The following ESYT2 variants were observed in gnomAD, a reference collection of about 807,000 sequenced individuals.
The protein encoded by ESYT2 is extended synaptotagmin-2.
A neutral mutation model predicts 107.2 loss-of-function variants in ESYT2; 54 were observed. That is an observed-to-expected ratio of 0.50 (90% CI 0.40 to 0.63). ESYT2 has a LOEUF of 0.63. Among genes scored for constraint, ESYT2 ranks in the 30% least tolerant of loss-of-function variants. The pLI is 0.00. For missense variants in ESYT2, 1,020 were observed against 1,094.5 expected (o/e 0.93, Z 0.96); for synonymous variants, 491 against 434.1 (o/e 1.13, Z -1.63).
Position 158,760,122 on chromosome 7 carries a change from T to C in ESYT2, c.1259A>G (p.Lys420Arg), listed in dbSNP as rs769624901. 3 of 1,614,214 alleles carry C rather than the reference T, an allele frequency of 1.9e-6. No individual in the cohort carries two copies. Among genetic ancestry groups the C allele is most frequent in the Non-Finnish European group, 1.7e-6 (2 of 1,180,018 alleles). ...CTCCAGTCTCAAGTGTAGCTTCCCC[T>C]TGGGAACCTCGTCCAGAGTGAACCA... ...DEWFTLDEVP[K>R]GKLHLRLEWL... is the part of the protein sequence containing the mutation. The change falls in exon 12 of 23, where the codon AAG becomes AGG. Residue 420 changes from lysine to arginine, a missense_variant. Transcript: ENST00000275418.
intron 1 of ESYT2, among the ~76,000 whole-genome samples, chr7:158,813,203 A>G (rs1392137902): frequency 1.3e-5 from 2 of 152,270 alleles, no homozygotes; most frequent in Middle Eastern, 3.2e-3. Flanking sequence ...TAATTCCAAT[A>G]TATGACATTC....
At chr7:158,773,818 T>C (rs761028085) in intron 6 of ESYT2, among the ~76,000 whole-genome samples, 1 of 152,204 alleles carries the variant, frequency 6.6e-6, no homozygotes, top group Non-Finnish European at 1.5e-5. Context: ...AGATGGTACC[T>C]ACCTGCCCTC....
At chr7:158,741,989 T>C (rs1297178991) in intron 17 of ESYT2, 93 bp from the exon 18 acceptor site, 1 of 1,431,788 alleles carries the variant, frequency 7.0e-7, no homozygotes, top group Non-Finnish European at 9.3e-7. Flanking sequence ...CTGCAAAAAT[T>C]TCTTTAAAAC....
chr7:158,764,358 A>C (rs1053454411), intron 9 of ESYT2, among the ~76,000 whole-genome samples: 2 of 152,222 alleles, frequency 1.3e-5, no homozygotes, highest in South Asian at 4.1e-4. Flanking sequence ...TTTTGTGTTT[A>C]CTGCATTAAT....
intron 3 of ESYT2, among the ~76,000 whole-genome samples, chr7:158,796,285 C>T (rs543576296): frequency 3.3e-5 from 5 of 152,256 alleles, no homozygotes; most frequent in East Asian, 1.9e-4. Context: ...AGAAAAACTT[C>T]CCATGATCAA....
intron 7 of ESYT2, among the ~76,000 whole-genome samples, chr7:158,769,931 TTTA>T (rs1260123973): frequency 6.6e-6 from 1 of 152,096 alleles, no homozygotes; most frequent in East Asian, 1.9e-4. Flanking sequence ...TTTTAATTAA[TTTA>T]TTTTTTTTGA....
At chr7:158,752,578 G>GT (rs1168263430) in intron 14 of ESYT2, among the ~76,000 whole-genome samples, 9 of 152,100 alleles carry the variant, frequency 5.9e-5, no homozygotes, top group Non-Finnish European at 2.9e-5. Context: ...TATCATACTA[G>GT]TACTTTATAA....
At chr7:158,781,020 G>C (rs1160801350) in intron 6 of ESYT2, among the ~76,000 whole-genome samples, 1 of 152,216 alleles carries the variant, frequency 6.6e-6, no homozygotes, top group African/African-American at 2.4e-5. Flanking sequence ...GAATGAGCGT[G>C]AGAAAGAAAA....
intron 1 of ESYT2, among the ~76,000 whole-genome samples, chr7:158,822,921 TAC>T (rs1840327052): frequency 1.3e-5 from 2 of 152,332 alleles, no homozygotes; most frequent in Middle Eastern, 3.4e-3. Flanking sequence ...TAAAAACTTT[TAC>T]AGTTTTAGCT....
intron 4 of ESYT2, among the ~76,000 whole-genome samples, chr7:158,790,283 T>C (rs1283243371): frequency 6.6e-6 from 1 of 152,176 alleles, no homozygotes; most frequent in Non-Finnish European, 1.5e-5. Flanking sequence ...AGATGATCAT[T>C]TTAATAAAAT....
At chr7:158,754,774 A>G (rs1474936867) in intron 13 of ESYT2, among the ~76,000 whole-genome samples, 1 of 152,148 alleles carries the variant, frequency 6.6e-6, no homozygotes, top group Non-Finnish European at 1.5e-5. Flanking sequence ...CTGAGTTCCA[A>G]TTCCAGCTCT....
intron 4 of ESYT2, among the ~76,000 whole-genome samples, chr7:158,788,753 G>T (rs1244060538): frequency 6.6e-6 from 1 of 152,212 alleles, no homozygotes. Context: ...TGCAACTTCT[G>T]AAGCAGTCTT....
At chr7:158,794,141 C>T (rs1839389445) in intron 3 of ESYT2, among the ~76,000 whole-genome samples, 1 of 152,252 alleles carries the variant, frequency 6.6e-6, no homozygotes, top group East Asian at 1.9e-4. Flanking sequence ...TCCTTACTAC[C>T]ATGTTTGAAA....
intron 7 of ESYT2, among the ~76,000 whole-genome samples, chr7:158,770,493 T>C (rs911155192): frequency 3.3e-5 from 5 of 151,018 alleles, no homozygotes; most frequent in African/African-American, 1.2e-4. Context: ...AATGACATAA[T>C]TATACATATA....
intron 16 of ESYT2, among the ~76,000 whole-genome samples, chr7:158,745,422 C>T (rs1040040091): frequency 2.8e-5 from 4 of 143,760 alleles, no homozygotes; most frequent in Non-Finnish European, 6.0e-5. Flanking sequence ...ACGCCATGCT[C>T]TTCATACCTG....
At chr7:158,787,850 CAAAG>C (rs1839162026) in intron 6 of ESYT2, among the ~76,000 whole-genome samples, 150 bp downstream of exon 6, 3 of 151,976 alleles carry the variant, frequency 2.0e-5, no homozygotes. Context: ...AGTTAAGGCA[CAAAG>C]AAATACAAAA....
At chr7:158,809,556 A>C (rs911935478) in intron 1 of ESYT2, among the ~76,000 whole-genome samples, 2 of 152,154 alleles carry the variant, frequency 1.3e-5, no homozygotes, top group African/African-American at 4.8e-5. Flanking sequence ...AGAGGATATA[A>C]AAATGGCCAA....
At chr7:158,764,932 C>T in intron 8 of ESYT2, 79 bp from the exon 9 acceptor site, 1 of 1,413,496 alleles carries the variant, frequency 7.1e-7, no homozygotes, top group South Asian at 1.3e-5. Context: ...CGCACCTAAC[C>T]CCGTCTCGAG....
chr7:158,760,898 G>C (rs556049917), intron 11 of ESYT2, among the ~76,000 whole-genome samples: 69 of 152,266 alleles, frequency 4.5e-4, no homozygotes, highest in African/African-American at 1.7e-3. Flanking sequence ...AACACTCAAG[G>C]GAAGGAAACG....
Sources: gnomAD v4.1 joint callset for allele counts (sites outside exome capture counted in the v4.1 genomes callset) on GRCh38, gnomAD v4.1.1 for gene constraint, MANE v1.5 for transcripts, NCBI Gene and HGNC (gene_info 2026-07-23, HGNC 2026-07-21) for gene names.